Variants in CNTNAP2 observed in about 807,000 individuals in gnomAD.
CNTNAP2 encodes contactin-associated protein-like 2.
In CNTNAP2, 98 loss-of-function variants were observed where a neutral mutation model predicts 155.2. That is an observed-to-expected ratio of 0.63 (90% CI 0.54 to 0.75). CNTNAP2 has a LOEUF of 0.75. Among genes scored for constraint, CNTNAP2 ranks in the 30% least tolerant of loss-of-function variants. The pLI is 0.00. For missense variants in CNTNAP2, 1,727 were observed against 1,688.1 expected, an observed-to-expected ratio of 1.02 and a Z score of -0.40; for synonymous variants, 651 against 631.2, an observed-to-expected ratio of 1.03 and a Z score of -0.47.
At chr7:148,097,424 T>C (rs1803997635) in intron 15 of CNTNAP2, among the ~76,000 whole-genome samples, 1 of 150,074 alleles carries the variant, frequency 6.7e-6, no homozygotes, top group Non-Finnish European at 1.5e-5. Context: ...ATCAGGGACT[T>C]TGGAATAAAG....
At chr7:146,912,708 A>G (rs1796308678) in intron 3 of CNTNAP2, among the ~76,000 whole-genome samples, 1 of 152,178 alleles carries the variant, frequency 6.6e-6, no homozygotes, top group South Asian at 2.1e-4. Flanking sequence ...ATTTTCTTAG[A>G]TGTCAAACAT....
chr7:146,289,708 CAAAG>C (rs1474643747), intron 1 of CNTNAP2, among the ~76,000 whole-genome samples: 1 of 152,006 alleles, frequency 6.6e-6, no homozygotes, highest in African/African-American at 2.4e-5. Flanking sequence ...TTTATCAGAA[CAAAG>C]AAAATTTCAC....
rs1563185623 is a variant in CNTNAP2 at position 148,062,007 on chromosome 7, A to AGAGAGAG, written c.2384-56111_2384-56110insGAGAGAG. ...GATAGATAGATAGATAGATAGATAG[A>AGAGAGAG]TGATAGAGAGAGAGAGAGAGAGTGT... is the stretch of plus-strand genomic sequence containing the variant. On this transcript the variant is annotated intron_variant, in intron 15 of 23. Coordinates refer to ENST00000361727, the MANE Select transcript of CNTNAP2 (RefSeq NM_014141.6). 8.9e-5 allele frequency among the ~76,000 whole-genome samples: 7 copies of AGAGAGAG among 79,082 alleles called. 1 individual carries two copies. Among genetic ancestry groups the AGAGAGAG allele is most frequent in the African/African-American group, 4.1e-4 (7 of 17,084 alleles). 51.9% of individuals were successfully genotyped at this position (79,082 alleles called of 152,430 possible).
intron 8 of CNTNAP2, among the ~76,000 whole-genome samples, chr7:147,196,254 A>C (rs975287297): frequency 3.9e-5 from 6 of 152,162 alleles, no homozygotes; most frequent in African/African-American, 1.4e-4. Context: ...ACACCAACTA[A>C]CACACAAAAC....
chr7:147,936,867 G>A (rs928671448), intron 14 of CNTNAP2, among the ~76,000 whole-genome samples: 1 of 152,100 alleles, frequency 6.6e-6, no homozygotes, highest in African/African-American at 2.4e-5. Context: ...AAGTTCTGCA[G>A]GTTTCTGTGC....
chr7:147,562,362 A>G, intron 12 of CNTNAP2, 105 bp downstream of exon 12: 1 of 1,382,518 alleles, frequency 7.2e-7, no homozygotes, highest in Non-Finnish European at 1.0e-6. Flanking sequence ...TTATCACAAC[A>G]TCTAATCAGC....
intron 1 of CNTNAP2, among the ~76,000 whole-genome samples, chr7:146,494,881 G>C (rs1358004406): frequency 6.6e-6 from 1 of 152,176 alleles, no homozygotes; most frequent in Non-Finnish European, 1.5e-5. Context: ...CAATGCATCT[G>C]CACATTTAGG....
At chr7:146,771,327 T>C (rs981739968) in intron 1 of CNTNAP2, among the ~76,000 whole-genome samples, 1 of 152,176 alleles carries the variant, frequency 6.6e-6, no homozygotes, top group African/African-American at 2.4e-5. Context: ...TGAACATGAG[T>C]GAATGTTAGC....
chr7:147,728,054 G>A (rs912969332), intron 13 of CNTNAP2, among the ~76,000 whole-genome samples: 37 of 151,970 alleles, frequency 2.4e-4, no homozygotes, highest in Non-Finnish European at 2.1e-4. Flanking sequence ...TTTTGGGCTC[G>A]CCATCCATGT....
At chr7:147,073,381 C>T (rs1181224888) in intron 4 of CNTNAP2, among the ~76,000 whole-genome samples, 1 of 150,728 alleles carries the variant, frequency 6.6e-6, no homozygotes, top group African/African-American at 2.4e-5. Flanking sequence ...AATGAGCACA[C>T]ATGGTAAATG....
intron 21 of CNTNAP2, among the ~76,000 whole-genome samples, chr7:148,329,521 A>C (rs1797949108): frequency 6.6e-6 from 1 of 152,208 alleles, no homozygotes; most frequent in South Asian, 2.1e-4. Flanking sequence ...TGTGGGTCAC[A>C]GTATAATAGG....
At chr7:146,853,567 T>C (rs536831882) in intron 3 of CNTNAP2, among the ~76,000 whole-genome samples, 24 of 152,344 alleles carry the variant, frequency 1.6e-4, no homozygotes, top group East Asian at 7.7e-4. Context: ...GTAATCACCA[T>C]GCACTGAGTA....
chr7:148,164,555 A>C (rs982415638), intron 17 of CNTNAP2, among the ~76,000 whole-genome samples: 1 of 146,104 alleles, frequency 6.8e-6, no homozygotes, highest in African/African-American at 2.5e-5. Context: ...ACAGCCCTCC[A>C]CGAATGATAA....
intron 8 of CNTNAP2, among the ~76,000 whole-genome samples, chr7:147,185,476 A>G (rs565653383): frequency 7.2e-5 from 11 of 152,272 alleles, no homozygotes; most frequent in African/African-American, 2.6e-4. Context: ...AAACAACCAA[A>G]CTGTTTATAT....
At chr7:146,924,575 C>A (rs558028442) in intron 3 of CNTNAP2, among the ~76,000 whole-genome samples, 1 of 151,960 alleles carries the variant, frequency 6.6e-6, no homozygotes, top group African/African-American at 2.4e-5. Flanking sequence ...CTTGAAAGAC[C>A]TTTGAGGGCC....
chr7:148,177,815 G>A (rs1233168919), intron 18 of CNTNAP2, among the ~76,000 whole-genome samples: 1 of 151,178 alleles, frequency 6.6e-6, no homozygotes, highest in African/African-American at 2.4e-5. Context: ...TGATTATTGT[G>A]ATTGAGTAAA....
intron 14 of CNTNAP2, among the ~76,000 whole-genome samples, chr7:147,963,734 C>A (rs147593006): frequency 6.6e-6 from 1 of 152,062 alleles, no homozygotes; most frequent in East Asian, 1.9e-4. Context: ...GATAAGCCAA[C>A]GATGCTGTTT....
At chr7:146,797,185 G>C (rs1271919474) in intron 2 of CNTNAP2, among the ~76,000 whole-genome samples, 1 of 152,134 alleles carries the variant, frequency 6.6e-6, no homozygotes, top group African/African-American at 2.4e-5. Flanking sequence ...CACTGAAAAA[G>C]GGTGGGCCAG....
At chr7:146,315,485 G>T (rs1460970221) in intron 1 of CNTNAP2, among the ~76,000 whole-genome samples, 1 of 152,122 alleles carries the variant, frequency 6.6e-6, no homozygotes, top group African/African-American at 2.4e-5. Flanking sequence ...TCATTTGGGT[G>T]TATTTTCATA....
Sources: allele counts gnomAD v4.1 joint callset (sites outside exome capture counted in the v4.1 genomes callset), GRCh38; gene constraint gnomAD v4.1.1; transcripts MANE v1.5; gene names NCBI Gene and HGNC (gene_info 2026-07-23, HGNC 2026-07-21).